The following LRP12 variants were observed in gnomAD, a reference collection of about 807,000 sequenced individuals.
LRP12 encodes the protein LDL receptor related protein 12, also known as low-density lipoprotein receptor-related protein 12.
Under a neutral mutation model 66.0 loss-of-function variants are expected in LRP12, and 14 were observed. That is an observed-to-expected ratio of 0.21 (90% confidence interval 0.14 to 0.33). The LOEUF is 0.33. Among genes scored for constraint, LRP12 ranks in the 10% least tolerant of loss-of-function variants. The pLI is 1.00. For missense variants in LRP12, 889 were observed against 1,053.4 expected, an observed-to-expected ratio of 0.84 and a Z score of 2.16; for synonymous variants, 357 against 359.1, an observed-to-expected ratio of 0.99 and a Z score of 0.07.
chr8:104,547,626 TATA>T (rs1811609082), intron 1 of LRP12, among the ~76,000 whole-genome samples: 1 of 125,780 alleles, frequency 8.0e-6, no homozygotes, highest in South Asian at 2.4e-4. Flanking sequence ...TATATTAATA[TATA>T]ATAAATATAT....
chr8:104,579,310 GA>G (rs1288877891), intron 1 of LRP12, among the ~76,000 whole-genome samples: 2 of 151,988 alleles, frequency 1.3e-5, no homozygotes, highest in African/African-American at 4.8e-5. Context: ...GCCAAATCAG[GA>G]ATGTAATTCC....
chr8:104,553,473 C>A (rs73295165), intron 1 of LRP12, among the ~76,000 whole-genome samples: 1,847 of 152,188 alleles, frequency 0.012, 35 homozygotes, highest in African/African-American at 0.041. Context: ...TGCTGGCTTT[C>A]CCCCACTTCC....
At chr8:104,520,836 A>T (rs1222609045) in intron 2 of LRP12, among the ~76,000 whole-genome samples, 2 of 152,114 alleles carry the variant, frequency 1.3e-5, no homozygotes, top group Non-Finnish European at 2.9e-5. Flanking sequence ...CCAACATGTT[A>T]TCAACTTTGA....
intron 1 of LRP12, among the ~76,000 whole-genome samples, chr8:104,552,101 C>T (rs1376661271): frequency 6.6e-6 from 1 of 152,204 alleles, no homozygotes; most frequent in Non-Finnish European, 1.5e-5. Context: ...AGATTTCAAA[C>T]CCAACTATTC....
At chr8:104,588,529 G>A (rs967418457) in intron 1 of LRP12, among the ~76,000 whole-genome samples, 1 of 152,124 alleles carries the variant, frequency 6.6e-6, no homozygotes, top group Non-Finnish European at 1.5e-5. Flanking sequence ...GGGGGCCCTC[G>A]AACCCAGGTC....
chr8:104,531,957 C>G lies in LRP12; in HGVS notation c.86G>C (p.Gly29Ala), dbSNP rs199687240. ...ATTTTCAGAATGTTCTGCAAGAGCA[C>G]CATTTCCTAAAATTAAACATAATGA... ...LLFLAGVYGNGALAEHSENVH... is the reference protein window; with the variant it reads ...LLFLAGVYGNAALAEHSENVH... Residue 29 changes from glycine to alanine, a missense_variant, in exon 2 of 7, where the codon GGT becomes GCT. Gly to Ala is a moderately conservative substitution (Grantham distance 60). Coordinates refer to ENST00000276654, the MANE Select transcript of LRP12 (RefSeq NM_013437.5). The G allele has an allele frequency of 1.9e-6, 3 of 1,584,062 alleles. No individual in the cohort carries two copies.
intron 2 of LRP12, among the ~76,000 whole-genome samples, chr8:104,509,981 G>T (rs992878191): frequency 6.6e-6 from 1 of 152,186 alleles, no homozygotes; most frequent in Admixed American, 6.5e-5. Flanking sequence ...GTTTTGGGCA[G>T]GCAAGGAAAT....
chr8:104,587,495 CA>C (rs1812352277), intron 1 of LRP12, among the ~76,000 whole-genome samples: 1 of 152,142 alleles, frequency 6.6e-6, no homozygotes, highest in African/African-American at 2.4e-5. Flanking sequence ...AAAAATGGAC[CA>C]AACTACTCTC....
intron 1 of LRP12, among the ~76,000 whole-genome samples, chr8:104,578,982 T>C (rs1048693818): frequency 6.6e-6 from 1 of 152,052 alleles, no homozygotes. Context: ...TCATAATGAA[T>C]GGGCAAAAGC....
chr8:104,516,352 GA>G (rs530139566), intron 2 of LRP12, among the ~76,000 whole-genome samples: 35 of 141,924 alleles, frequency 2.5e-4, no homozygotes, highest in East Asian at 1.8e-3. Flanking sequence ...CATCTGAAAT[GA>G]AAAAAAAAAG....
chr8:104,512,501 A>G (rs190918936), intron 2 of LRP12, among the ~76,000 whole-genome samples: 1 of 152,334 alleles, frequency 6.6e-6, no homozygotes, highest in East Asian at 1.9e-4. Flanking sequence ...TTTGAGTTAA[A>G]TTACATTTAA....
chr8:104,573,127 T>C (rs551766074), intron 1 of LRP12, among the ~76,000 whole-genome samples: 6 of 152,344 alleles, frequency 3.9e-5, no homozygotes, highest in East Asian at 1.9e-4. Flanking sequence ...GCAGCACCGA[T>C]AGTAGTAGGT....
At position 104,491,333 on chromosome 8, in the gene LRP12, T is replaced by G; in HGVS notation, c.1920A>C (p.Arg640Ser). The change falls in exon 7 of 7, where the codon AGA (arginine) becomes AGC (serine). Residue 640 changes from arginine to serine, a missense_variant. Coordinates refer to ENST00000276654, the MANE Select transcript of LRP12 (RefSeq NM_013437.5). ...AAAACAAACTTCTGTGAGTATGATTTCTCTCAGGTTCTCTACTGGTACTCT... is the reference window on the plus strand; with the variant it reads ...AAAACAAACTTCTGTGAGTATGATTGCTCTCAGGTTCTCTACTGGTACTCT... ...PSQSTSREPE[R>S]NHTHRSLFSV... 2 of 1,614,136 alleles carry G rather than the reference T, an allele frequency of 1.2e-6. No individual in the cohort carries two copies. The highest frequency in any genetic ancestry group is 1.7e-5 in the Admixed American group (1 of 60,012).
At chr8:104,519,427 C>G (rs953366458) in intron 2 of LRP12, among the ~76,000 whole-genome samples, 1 of 151,970 alleles carries the variant, frequency 6.6e-6, no homozygotes, top group Non-Finnish European at 1.5e-5. Context: ...TATCCCTAAT[C>G]CAAAATGCTT....
Position 104,497,470 on chromosome 8 carries a change from G to A in LRP12, c.1082C>T (p.Ala361Val), listed in dbSNP as rs551522502. The part of the protein sequence containing the change: ...RVHFCADKVN[A>V]ARGFNATYQV... ...GTAAGTAGCATTAAATCCCCTTGCA[G>A]CATTCACTTTATCAGCACAAAAATG... Residue 361 changes from alanine to valine, a missense_variant, in exon 5 of 7, where the codon GCT becomes GTT. Around this residue, in one of 3 missense-constraint regions of LRP12, gnomAD observed 800 missense variants for 964.5 expected, o/e 0.83. Coordinates refer to ENST00000276654, the MANE Select transcript of LRP12 (RefSeq NM_013437.5). This position sits in a 1 kb window ranked among gnomAD's most constrained non-coding sequence, Gnocchi z 4.3. 1.7e-5 allele frequency: 28 copies of A among 1,614,110 alleles called. No individual in the cohort carries two copies. The East Asian group carries it at 3.8e-4, about 22-fold the overall frequency.
chr8:104,548,344 TA>T (rs1239732605), intron 1 of LRP12, among the ~76,000 whole-genome samples: 10 of 36,678 alleles, frequency 2.7e-4, no homozygotes, highest in African/African-American at 1.5e-3. Flanking sequence ...TATAAATATA[TA>T]AATATATAAT....
intron 1 of LRP12, among the ~76,000 whole-genome samples, chr8:104,580,170 A>G (rs1812223602): frequency 1.3e-5 from 2 of 152,150 alleles, no homozygotes; most frequent in Admixed American, 6.5e-5. Flanking sequence ...AAATTTTTGC[A>G]AACTACGCAT....
Position 104,490,418 on chromosome 8 carries a change from A to T in LRP12, c.*255T>A. The T allele has an allele frequency of 2.5e-6, 1 of 394,664 alleles. No homozygotes were observed. The highest frequency in any genetic ancestry group is 4.3e-5 in the Admixed American group (1 of 23,456). The allele number at this position is 394,664 out of a possible 1,614,324, so 24.4% of individuals were successfully genotyped here. ...TACAGTGAACTACAGTATCAGGATG[A>T]AAACAATCAGAAACAAATGAAAGGA... On this transcript the variant is annotated 3_prime_UTR_variant, in exon 7 of 7. Transcript: ENST00000276654.
chr8:104,518,263 T>C (rs186971407), intron 2 of LRP12, among the ~76,000 whole-genome samples: 1 of 152,194 alleles, frequency 6.6e-6, no homozygotes, highest in East Asian at 1.9e-4. Context: ...TCTTATTACC[T>C]GGCAGGTACC....
Sources: gnomAD v4.1 joint callset for allele counts (sites outside exome capture counted in the v4.1 genomes callset) on GRCh38, gnomAD v4.1.1 for gene constraint, gnomAD v4.1.1 regional missense constraint, Gnocchi (gnomAD v3.1) non-coding constraint, MANE v1.5 for transcripts, NCBI Gene and HGNC (gene_info 2026-07-23, HGNC 2026-07-21) for gene names.